ANKRD6: variants seen among roughly 807,000 people sequenced by gnomAD.
The protein encoded by ANKRD6 is ankyrin repeat domain 6.
ANKRD6 carries 56 observed loss-of-function variants against 82.3 expected under a neutral mutation model. The ratio of observed to expected loss-of-function variants is 0.68; its 90% confidence interval spans 0.55 to 0.85. ANKRD6 has a LOEUF of 0.85. Ranked by LOEUF, ANKRD6 falls within the 40% of genes least tolerant of loss-of-function variation. ANKRD6 has a pLI of 0.00. For missense variants in ANKRD6, 852 were observed against 907.6 expected (o/e 0.94, Z 0.79); for synonymous variants, 347 against 352.1 (o/e 0.99, Z 0.16).
chr6:89,546,598 G>A (rs1182876791), intron 1 of ANKRD6, among the ~76,000 whole-genome samples: 2 of 152,028 alleles, frequency 1.3e-5, no homozygotes, highest in African/African-American at 4.8e-5. Flanking sequence ...CGAGTAGCTG[G>A]GGCCATAGCC....
chr6:89,521,868 T>C (rs1024643208), intron 1 of ANKRD6, among the ~76,000 whole-genome samples: 2 of 152,226 alleles, frequency 1.3e-5, no homozygotes, highest in Non-Finnish European at 2.9e-5. Context: ...ATTTATGACA[T>C]AATCCTATTA....
chr6:89,554,445 T>C (rs1018792020), intron 1 of ANKRD6, among the ~76,000 whole-genome samples: 13 of 8,504 alleles, frequency 1.5e-3, no homozygotes, highest in African/African-American at 2.5e-3. Flanking sequence ...CTTAATCACG[T>C]CTTTTTTTTT....
chr6:89,604,423 A>C (rs1798012545), intron 4 of ANKRD6, among the ~76,000 whole-genome samples: 1 of 151,966 alleles, frequency 6.6e-6, no homozygotes, highest in Admixed American at 6.5e-5. Context: ...AACAATCTTA[A>C]AACACAAAAC....
At chr6:89,552,218 C>A (rs1785950085) in intron 1 of ANKRD6, among the ~76,000 whole-genome samples, 1 of 152,192 alleles carries the variant, frequency 6.6e-6, no homozygotes, top group Non-Finnish European at 1.5e-5. Context: ...GGTATTCTTG[C>A]GAAGCATGTC....
chr6:89,505,044 A>T (rs1779687881), intron 1 of ANKRD6: 2 of 152,222 alleles, frequency 1.3e-5, no homozygotes, highest in Middle Eastern at 3.4e-3. Flanking sequence ...TCAATTTCAG[A>T]TTAGCTTTTA....
chr6:89,623,852 T>C lies in ANKRD6; in HGVS notation c.1033-20T>C, dbSNP rs931730502. On this transcript the variant is annotated intron_variant, in intron 11 of 15. Coordinates refer to ENST00000339746, the MANE Select transcript of ANKRD6 (RefSeq NM_001242809.2). ...CAGAGGTCAAAGCGTTCAGGGGTGT[T>C]GTCTCTTCCTCTCTTACAGGTGTCA... 1.9e-6 allele frequency: 3 copies of C among 1,605,372 alleles called. No individual in the cohort carries two copies. The highest frequency in any genetic ancestry group is 2.6e-6 in the Non-Finnish European group (3 of 1,176,056).
intron 1 of ANKRD6, among the ~76,000 whole-genome samples, chr6:89,458,595 C>T (rs752824683): frequency 5.3e-5 from 8 of 152,164 alleles, no homozygotes; most frequent in East Asian, 3.8e-4. Flanking sequence ...GCATCCAGCA[C>T]GGGAGAAAGA....
chr6:89,557,592 A>G (rs1009964799), intron 1 of ANKRD6, among the ~76,000 whole-genome samples: 26 of 152,228 alleles, frequency 1.7e-4, no homozygotes, highest in Non-Finnish European at 3.5e-4. Context: ...TGGGAGTGCA[A>G]CATGGTACAG....
At chr6:89,583,501 A>C (rs1365065907) in intron 2 of ANKRD6, among the ~76,000 whole-genome samples, 1 of 152,202 alleles carries the variant, frequency 6.6e-6, no homozygotes, top group Admixed American at 6.5e-5. Flanking sequence ...TTTCTAGCAA[A>C]GGTAGGTAGG....
chr6:89,522,092 C>T (rs1781957168), intron 1 of ANKRD6, among the ~76,000 whole-genome samples: 1 of 152,168 alleles, frequency 6.6e-6, no homozygotes, highest in Non-Finnish European at 1.5e-5. Flanking sequence ...TATACATAAA[C>T]CTGAGGCCTG....
chr6:89,540,114 G>T (rs1020235681), intron 1 of ANKRD6, among the ~76,000 whole-genome samples: 2 of 151,780 alleles, frequency 1.3e-5, no homozygotes, highest in African/African-American at 4.8e-5. Context: ...ATTTTTTTTT[G>T]ATACACTGGT....
At chr6:89,600,111 T>A (rs567245647) in intron 3 of ANKRD6, among the ~76,000 whole-genome samples, 1 of 152,304 alleles carries the variant, frequency 6.6e-6, no homozygotes, top group African/African-American at 2.4e-5. Context: ...CTTGCTAGTC[T>A]GGAAATGTCC....
chr6:89,479,601 T>TTATTTATTTA (rs1554218223), intron 1 of ANKRD6, among the ~76,000 whole-genome samples: 1 of 149,632 alleles, frequency 6.7e-6, no homozygotes, highest in African/African-American at 2.4e-5. Context: ...TATTTTTTAT[T>TTATTTATTTA]TTTATTTATT....
rs143388230 is a variant in ANKRD6, at chr6:89,479,492, C to G, written c.-144+46117C>G. ...TCTTCTTTTATTGGATAGCAGTCCC[C>G]CTAATGTTCTGTTTCCAGTGTTTTG... On this transcript the variant is annotated intron_variant, in intron 1 of 15. Coordinates refer to ENST00000339746, the MANE Select transcript of ANKRD6 (RefSeq NM_001242809.2). Among the ~76,000 whole-genome samples the G allele has an allele frequency of 5.3e-3, 812 of 152,172 alleles. 3 individuals are homozygous for G. Among genetic ancestry groups the G allele is most frequent in the African/African-American group, 0.018 (727 of 41,534 alleles).
chr6:89,497,500 T>C (rs1404023782), intron 1 of ANKRD6, among the ~76,000 whole-genome samples: 1 of 152,166 alleles, frequency 6.6e-6, no homozygotes. Flanking sequence ...CAAGAAATGG[T>C]ATATATGACT....
intron 1 of ANKRD6, among the ~76,000 whole-genome samples, chr6:89,533,727 AGTGT>A (rs59064465): frequency 0.19 from 27,169 of 141,834 alleles, 2,579 homozygotes; most frequent in Middle Eastern, 0.29. Context: ...AGAGAAAATG[AGTGT>A]GTGTGTGTGT....
At position 89,612,271 on chromosome 6, in the gene ANKRD6, G is replaced by A; in HGVS notation, c.418-1G>A. The A allele has an allele frequency of 5.8e-6, 9 of 1,556,284 alleles. No homozygotes were observed. Among genetic ancestry groups the A allele is most frequent in the Non-Finnish European group, 7.8e-6 (9 of 1,149,330 alleles). ...CCTCCCTCTCTCTGCCTCTCTCCAA[G>A]GCGGGGAACACAGCTCTGCACCTGG... is the stretch of plus-strand genomic sequence containing the variant. On this transcript the variant is annotated splice_acceptor_variant, in intron 5 of 15. Transcript: ENST00000339746. LOFTEE classifies it high-confidence loss of function.
At chr6:89,591,029 A>G (rs1386021052) in intron 2 of ANKRD6, among the ~76,000 whole-genome samples, 1 of 152,206 alleles carries the variant, frequency 6.6e-6, no homozygotes. Flanking sequence ...GGTTGAGTTA[A>G]GCTGAACTGA....
At chr6:89,564,936 G>T (rs1562836761) in intron 1 of ANKRD6, among the ~76,000 whole-genome samples, 2 of 152,118 alleles carry the variant, frequency 1.3e-5, no homozygotes, top group Non-Finnish European at 2.9e-5. Context: ...TGCCATTTAG[G>T]CCTGGAGTGA....
Sources: allele counts gnomAD v4.1 joint callset (sites outside exome capture counted in the v4.1 genomes callset), GRCh38; gene constraint gnomAD v4.1.1; transcripts MANE v1.5; gene names NCBI Gene and HGNC (gene_info 2026-07-23, HGNC 2026-07-21).